The following TMED3 variants were observed in gnomAD, a reference collection of about 807,000 sequenced individuals.
TMED3 encodes the protein transmembrane emp24 domain-containing protein 3.
Under a neutral mutation model 15.0 loss-of-function variants are expected in TMED3, and 9 were observed. The ratio of observed to expected loss-of-function variants is 0.60; its 90% CI spans 0.36 to 1.04. The LOEUF (loss-of-function observed/expected upper bound fraction) is 1.04, where lower values mean the gene tolerates loss of function less well. TMED3 is among the 50% of genes least tolerant of loss of function. The probability of loss-of-function intolerance (pLI) is 0.01; values close to 1 mark genes in which losing one functional copy is unlikely to be tolerated. For missense variants in TMED3, 267 were observed against 278.9 expected (o/e 0.96, Z 0.30); for synonymous variants, 117 against 121.4 (o/e 0.96, Z 0.24).
intron 2 of TMED3, among the ~76,000 whole-genome samples, chr15:79,372,654 A>G (rs1893361046): frequency 6.6e-6 from 1 of 152,180 alleles, no homozygotes; most frequent in South Asian, 2.1e-4. Flanking sequence ...TATCAGCAGA[A>G]CAGCATGGGA....
chr15:79,331,895 A>G (rs1397747588), intron 2 of TMED3, among the ~76,000 whole-genome samples: 1 of 152,158 alleles, frequency 6.6e-6, no homozygotes, highest in East Asian at 1.9e-4. Context: ...AAAAGACAAA[A>G]AATAACAAAT....
At chr15:79,394,537 T>A (rs1893738620) in intron 2 of TMED3, among the ~76,000 whole-genome samples, 1 of 152,236 alleles carries the variant, frequency 6.6e-6, no homozygotes, top group Non-Finnish European at 1.5e-5. Context: ...AGGCTGGCAT[T>A]CCAGTCTGAG....
intron 2 of TMED3, among the ~76,000 whole-genome samples, chr15:79,389,550 C>T (rs1893670457): frequency 6.6e-6 from 1 of 151,990 alleles, no homozygotes; most frequent in Non-Finnish European, 1.5e-5. Context: ...TTTCTTTTTG[C>T]TAAGTCTTGT....
At chr15:79,313,246 T>G (rs1439427977) in intron 1 of TMED3, among the ~76,000 whole-genome samples, 2 of 152,104 alleles carry the variant, frequency 1.3e-5, no homozygotes, top group African/African-American at 2.4e-5. Context: ...GAATAGTTTC[T>G]TGGACATCCC....
intron 2 of TMED3, among the ~76,000 whole-genome samples, chr15:79,376,652 A>C (rs1334816472): frequency 6.6e-6 from 1 of 152,238 alleles, no homozygotes; most frequent in East Asian, 1.9e-4. Flanking sequence ...CTAGGCTTTC[A>C]TTAATGTCTC....
intron 2 of TMED3, among the ~76,000 whole-genome samples, chr15:79,406,209 G>A (rs995288849): frequency 1.3e-5 from 2 of 152,216 alleles, no homozygotes; most frequent in Admixed American, 1.3e-4. Context: ...AGGCAGAATG[G>A]ATTCTAATTT....
intron 2 of TMED3, among the ~76,000 whole-genome samples, chr15:79,360,265 C>T (rs969521619): frequency 2.0e-5 from 3 of 152,026 alleles, no homozygotes; most frequent in African/African-American, 7.3e-5. Flanking sequence ...GTGGGGTGGG[C>T]TCCACACAGA....
chr15:79,323,189 A>T (rs139597966), downstream of TMED3, among the ~76,000 whole-genome samples: 1 of 152,310 alleles, frequency 6.6e-6, no homozygotes, highest in East Asian at 1.9e-4. Flanking sequence ...TCAAGATGGT[A>T]CTGTCTCACT....
chr15:79,355,306 T>G (rs2058914569), intron 2 of TMED3, among the ~76,000 whole-genome samples: 1 of 152,164 alleles, frequency 6.6e-6, no homozygotes, highest in Admixed American at 6.5e-5. Flanking sequence ...GAAGGGGCCC[T>G]ATAGACTCAC....
chr15:79,404,437 C>T (rs578099472), intron 2 of TMED3, among the ~76,000 whole-genome samples: 6 of 152,232 alleles, frequency 3.9e-5, no homozygotes, highest in Non-Finnish European at 8.8e-5. Context: ...TTTCTGTAGC[C>T]TCTCCATTCA....
At chr15:79,401,494 G>A (rs556795899) in intron 2 of TMED3, among the ~76,000 whole-genome samples, 1 of 152,148 alleles carries the variant, frequency 6.6e-6, no homozygotes, top group Admixed American at 6.5e-5. Flanking sequence ...GACATTCTTG[G>A]TTGCCACATT....
chr15:79,317,983 C>T (rs1378503505), intron 2 of TMED3, among the ~76,000 whole-genome samples: 1 of 152,218 alleles, frequency 6.6e-6, no homozygotes, highest in African/African-American at 2.4e-5. Context: ...TCTTGGACCT[C>T]GAGGCCCTTT....
At chr15:79,327,359 GTTATT>G (rs1199881345), downstream of TMED3, among the ~76,000 whole-genome samples, 1 of 152,180 alleles carries the variant, frequency 6.6e-6, no homozygotes, top group Non-Finnish European at 1.5e-5. Flanking sequence ...ATAAATTTCT[GTTATT>G]TATATGTCAC....
chr15:79,374,619 G>A lies in TMED3; in HGVS notation c.418-36781G>A, dbSNP rs143849894. On this transcript the variant is annotated intron_variant, in intron 2 of 2. Coordinates refer to the TMED3 transcript ENST00000424155. ...GCATAAAGTCAAGATGGAAACTGAC[G>A]AAATGCAAGTACATTCTCTCCCATC... is the stretch of plus-strand genomic sequence containing the variant. Among the ~76,000 whole-genome samples the A allele has an allele frequency of 9.9e-3, 1,501 of 152,214 alleles. 18 individuals are homozygous for A. The highest frequency in any genetic ancestry group is 0.017 in the Middle Eastern group (5 of 294).
intron 2 of TMED3, among the ~76,000 whole-genome samples, chr15:79,370,256 A>ATTTT (rs398028085): frequency 2.3e-4 from 24 of 104,936 alleles, no homozygotes; most frequent in Admixed American, 3.5e-4. Context: ...TGCCCAGCTA[A>ATTTT]TTTTTTTTTT....
chr15:79,351,224 A>T (rs2058890041), intron 2 of TMED3, among the ~76,000 whole-genome samples: 1 of 152,220 alleles, frequency 6.6e-6, no homozygotes. Flanking sequence ...TGGGCAAGCC[A>T]CTTGTCTATT....
chr15:79,390,850 G>T (rs59922869), intron 2 of TMED3, among the ~76,000 whole-genome samples: 1 of 151,908 alleles, frequency 6.6e-6, no homozygotes, highest in African/African-American at 2.4e-5. Context: ...TCTCTTCTAG[G>T]TTTTCTAGTT....
intron 2 of TMED3, among the ~76,000 whole-genome samples, chr15:79,382,669 T>G (rs1236214651): frequency 6.6e-6 from 1 of 152,194 alleles, no homozygotes; most frequent in Non-Finnish European, 1.5e-5. Context: ...CTCTACCCTC[T>G]AAACTCCTGG....
In TMED3 at chr15:79,394,325, A is replaced by C. The variant is rs577630785; in HGVS notation, c.418-17075A>C. On this transcript the variant is annotated intron_variant, in intron 2 of 2. Coordinates refer to the TMED3 transcript ENST00000424155. ...CTTTATAGAATGTTAACTTTGCAGA[A>C]CGCCCACCATTCCCATGTGTTTACT... Among the ~76,000 whole-genome samples, 165 of 152,308 alleles carry C rather than the reference A, an allele frequency of 1.1e-3. 1 individual carries two copies. The highest frequency in any genetic ancestry group is 3.7e-3 in the African/African-American group (154 of 41,568).
Sources: gnomAD v4.1 joint callset for allele counts (sites outside exome capture counted in the v4.1 genomes callset) on GRCh38, gnomAD v4.1.1 for gene constraint, MANE v1.5 for transcripts, NCBI Gene and HGNC (gene_info 2026-07-23, HGNC 2026-07-21) for gene names.